Variants in YWHAB observed in about 807,000 individuals in gnomAD.
YWHAB encodes tyrosine 3-monooxygenase/tryptophan 5-monooxygenase activation protein beta, also known as 14-3-3 protein beta/alpha.
A neutral mutation model predicts 28.5 loss-of-function variants in YWHAB; 2 were observed. The ratio of observed to expected loss-of-function variants is 0.07; its 90% CI spans 0.03 to 0.22. YWHAB has a LOEUF of 0.22. YWHAB is among the 10% of genes least tolerant of loss of function. The probability of loss-of-function intolerance (pLI) is 1.00; values close to 1 mark genes in which losing one functional copy is unlikely to be tolerated. For synonymous variants in YWHAB, 103 were observed against 104.7 expected (o/e 0.98, Z 0.10); for missense variants, 148 against 297.1 (o/e 0.50, Z 3.69).
intron 1 of YWHAB, among the ~76,000 whole-genome samples, chr20:44,892,041 A>T (rs1488751683): frequency 1.3e-5 from 2 of 152,176 alleles, no homozygotes; most frequent in Non-Finnish European, 2.9e-5. Flanking sequence ...TGACTTTCTC[A>T]GTCCCTTCTG....
intron 1 of YWHAB, among the ~76,000 whole-genome samples, chr20:44,894,943 A>G (rs184960523): frequency 1.3e-5 from 2 of 152,376 alleles, no homozygotes; most frequent in East Asian, 1.9e-4. Flanking sequence ...ATTCATTTGC[A>G]TATGAGTTTT....
intron 1 of YWHAB, among the ~76,000 whole-genome samples, chr20:44,887,908 C>T (rs1473227550): frequency 1.3e-5 from 2 of 152,096 alleles, no homozygotes; most frequent in African/African-American, 2.4e-5. Flanking sequence ...AATCAGAGTT[C>T]ACTATTAATG....
chr20:44,905,287 A>G, intron 4 of YWHAB, 156 bp downstream of exon 4: 1 of 625,618 alleles, frequency 1.6e-6, no homozygotes. Context: ...CAGATCTGTT[A>G]CTTTTTTAAT....
chr20:44,900,021 CA>C (rs1269752283), intron 1 of YWHAB, among the ~76,000 whole-genome samples: 1 of 152,014 alleles, frequency 6.6e-6, no homozygotes, highest in African/African-American at 2.4e-5. Context: ...TTCCTCATAA[CA>C]GGCCCACTAA....
intron 1 of YWHAB, among the ~76,000 whole-genome samples, chr20:44,891,330 T>G (rs2066560692): frequency 6.6e-6 from 1 of 152,132 alleles, no homozygotes. Flanking sequence ...GGTCTTGAAC[T>G]CCTGACCTCA....
At chr20:44,887,454 C>T (rs141728167) in intron 1 of YWHAB, 1 of 152,264 alleles carries the variant, frequency 6.6e-6, no homozygotes, top group East Asian at 1.9e-4. Flanking sequence ...AACTGAATAT[C>T]CTCATTCATC....
At chr20:44,892,309 A>G in intron 1 of YWHAB, among the ~76,000 whole-genome samples, 1 of 152,138 alleles carries the variant, frequency 6.6e-6, no homozygotes, top group East Asian at 1.9e-4. Context: ...CATGCACTTT[A>G]TTAATAACAT....
At chr20:44,905,843 C>G (rs2066652705) in intron 4 of YWHAB, 158 bp from the exon 5 acceptor site, 1 of 595,912 alleles carries the variant, frequency 1.7e-6, no homozygotes, top group African/African-American at 1.8e-5. Flanking sequence ...ATGCCTTATA[C>G]TTCTGCTGGA....
intron 1 of YWHAB, 46 bp from the exon 2 acceptor site, chr20:44,901,485 C>G: frequency 6.5e-7 from 1 of 1,529,368 alleles, no homozygotes; most frequent in Non-Finnish European, 8.8e-7. Flanking sequence ...TCCTAGGCCC[C>G]GAAACCTGAC....
At chr20:44,894,733 C>T (rs1211208217) in intron 1 of YWHAB, among the ~76,000 whole-genome samples, 1 of 152,198 alleles carries the variant, frequency 6.6e-6, no homozygotes, top group African/African-American at 2.4e-5. Context: ...ATTCCCTGCG[C>T]CTCATCTTCA....
At chr20:44,897,129 T>G (rs1470783690) in intron 1 of YWHAB, among the ~76,000 whole-genome samples, 1 of 152,180 alleles carries the variant, frequency 6.6e-6, no homozygotes, top group Non-Finnish European at 1.5e-5. Context: ...TCCCACTGAA[T>G]AGTCCAGATT....
chr20:44,905,919 A>C, intron 4 of YWHAB, 82 bp from the exon 5 acceptor site: 1 of 1,021,242 alleles, frequency 9.8e-7, no homozygotes, highest in Admixed American at 1.9e-5. Flanking sequence ...AAGATAAGTT[A>C]TATTCACCTA....
At chr20:44,890,174 A>G (rs1002056521) in intron 1 of YWHAB, among the ~76,000 whole-genome samples, 5 of 152,230 alleles carry the variant, frequency 3.3e-5, no homozygotes, top group African/African-American at 1.2e-4. Context: ...GGACTTCTGA[A>G]TGGAGGAGAT....
chr20:44,904,429 G>A (rs568746499), intron 3 of YWHAB, among the ~76,000 whole-genome samples: 1 of 151,768 alleles, frequency 6.6e-6, no homozygotes, highest in African/African-American at 2.4e-5. Context: ...CCCTAGTGAT[G>A]CATTGCATTT....
intron 1 of YWHAB, among the ~76,000 whole-genome samples, chr20:44,901,277 A>G (rs755802590): frequency 1.3e-5 from 2 of 152,142 alleles, no homozygotes; most frequent in Admixed American, 1.3e-4. Flanking sequence ...TAAGAAGGGG[A>G]AAGTTGTTGT....
At chr20:44,900,067 A>T (rs1478451430) in intron 1 of YWHAB, among the ~76,000 whole-genome samples, 1 of 150,586 alleles carries the variant, frequency 6.6e-6, no homozygotes, top group Admixed American at 6.6e-5. Context: ...TTTTTTTTAG[A>T]GACAGGGGTC....
In YWHAB at chr20:44,890,755, T is replaced by A. The variant is rs754879384; in HGVS notation, c.-4+4869T>A. 2.6e-4 allele frequency among the ~76,000 whole-genome samples: 40 copies of A among 152,012 alleles called. 1 individual carries two copies. The highest frequency in any genetic ancestry group is 1.1e-3 in the Admixed American group (17 of 15,266). On this transcript the variant is annotated intron_variant, in intron 1 of 5. Transcript: ENST00000353703. ...TGAACTCCTGACCTTGCGATCCACC[T>A]GCCTCGGCCTCCCAAAGTGCTGGGA...
chr20:44,885,987 G>A (rs1170765768), intron 1 of YWHAB, 101 bp downstream of exon 1: 1 of 152,230 alleles, frequency 6.6e-6, no homozygotes, highest in African/African-American at 2.4e-5. Context: ...GGGCCCCGTG[G>A]GGTAGCGGCG....
At chr20:44,895,015 C>T (rs2066587741) in intron 1 of YWHAB, among the ~76,000 whole-genome samples, 1 of 152,230 alleles carries the variant, frequency 6.6e-6, no homozygotes, top group Admixed American at 6.5e-5. Flanking sequence ...TTTGAGGGCA[C>T]ACACGTGAAG....
Sources: gnomAD v4.1 joint callset for allele counts (sites outside exome capture counted in the v4.1 genomes callset) on GRCh38, gnomAD v4.1.1 for gene constraint, MANE v1.5 for transcripts, NCBI Gene and HGNC (gene_info 2026-07-23, HGNC 2026-07-21) for gene names.